Variants in CEP128 observed in about 807,000 individuals in gnomAD.
The protein encoded by CEP128 is centrosomal protein 128.
Under a neutral mutation model 156.7 loss-of-function variants are expected in CEP128, and 132 were observed. The observed-to-expected ratio is 0.84, with a 90% CI of 0.73 to 0.97. The LOEUF is 0.97. Among genes scored for constraint, CEP128 ranks in the 50% least tolerant of loss-of-function variants. The pLI, the probability that CEP128 is intolerant of heterozygous loss-of-function variation, is 0.00. For synonymous variants in CEP128, 469 were observed against 448.9 expected (o/e 1.04, Z -0.57); for missense variants, 1,252 against 1,281.9 (o/e 0.98, Z 0.36).
intron 2 of CEP128, chr14:80,955,950 G>A: frequency 2.2e-6 from 3 of 1,369,446 alleles, no homozygotes; most frequent in South Asian, 2.4e-5. Flanking sequence ...GCCCGAAGTA[G>A]TGTGTGAGTG....
intron 13 of CEP128, among the ~76,000 whole-genome samples, chr14:80,812,511 A>G (rs1884615219): frequency 6.6e-6 from 1 of 152,166 alleles, no homozygotes; most frequent in Non-Finnish European, 1.5e-5. Flanking sequence ...ACTAATCTAC[A>G]CTGCAATCAG....
At chr14:80,941,837 G>A (rs1037016003), upstream of CEP128, 1 of 152,666 alleles carries the variant, frequency 6.6e-6, no homozygotes, top group Non-Finnish European at 1.5e-5. Context: ...GAATTACCAA[G>A]GGAGAGAGTC....
At chr14:80,806,222 G>A (rs922911298) in intron 13 of CEP128, among the ~76,000 whole-genome samples, 2 of 152,136 alleles carry the variant, frequency 1.3e-5, no homozygotes, top group African/African-American at 2.4e-5. Flanking sequence ...CAAATCCTAC[G>A]AGAGGCTTCA....
intron 6 of CEP128, among the ~76,000 whole-genome samples, chr14:80,900,557 T>C (rs1440388416): frequency 1.3e-5 from 2 of 152,210 alleles, no homozygotes; most frequent in Admixed American, 1.3e-4. Context: ...CTCTTCCTCA[T>C]GTACACTTGG....
intron 13 of CEP128, among the ~76,000 whole-genome samples, chr14:80,794,088 G>A (rs1419201841): frequency 2.6e-5 from 4 of 152,214 alleles, no homozygotes; most frequent in Middle Eastern, 3.4e-3. Flanking sequence ...AACATAAAAA[G>A]GTCATGTGTC....
chr14:80,876,156 G>A (rs546442304), intron 8 of CEP128, among the ~76,000 whole-genome samples: 2 of 151,716 alleles, frequency 1.3e-5, no homozygotes, highest in Admixed American at 6.6e-5. Context: ...AAGAGGTAAT[G>A]GTACTATAAG....
At chr14:80,891,062 C>G (rs1338312513) in intron 8 of CEP128, among the ~76,000 whole-genome samples, 1 of 151,860 alleles carries the variant, frequency 6.6e-6, no homozygotes, top group African/African-American at 2.4e-5. Flanking sequence ...CAAATGTTGG[C>G]AAGGGTGTGG....
chr14:80,671,000 T>TTTTC (rs1275556021), intron 19 of CEP128, among the ~76,000 whole-genome samples: 1 of 151,302 alleles, frequency 6.6e-6, no homozygotes, highest in Non-Finnish European at 1.5e-5. Context: ...ATTCACTTGT[T>TTTTC]TTTCTTTCTT....
At chr14:80,499,595 G>T (rs1887644715) in intron 24 of CEP128, among the ~76,000 whole-genome samples, 1 of 152,060 alleles carries the variant, frequency 6.6e-6, no homozygotes, top group Non-Finnish European at 1.5e-5. Flanking sequence ...AGATTTACAG[G>T]AAATTTACAA....
At chr14:80,478,996 T>C (rs1273212124) in intron 14 of CEP128, among the ~76,000 whole-genome samples, 2 of 152,172 alleles carry the variant, frequency 1.3e-5, no homozygotes, top group African/African-American at 4.8e-5. Flanking sequence ...GCCTAGATAG[T>C]AAGAAACATT....
downstream of CEP128, among the ~76,000 whole-genome samples, chr14:80,496,187 C>A (rs1278317030): frequency 6.6e-6 from 1 of 152,088 alleles, no homozygotes. Context: ...TTTTTTCCTC[C>A]TAGCACAATG....
At position 80,739,956 on chromosome 14, in the gene CEP128, T is replaced by C. The variant is rs1898725860; in HGVS notation, c.2806+3119A>G. 2.0e-5 allele frequency among the ~76,000 whole-genome samples: 3 copies of C among 152,198 alleles called. No individual in the cohort carries two copies. In the South Asian group the frequency reaches 6.2e-4, roughly 31 times the overall value. On this transcript the variant is annotated intron_variant, in intron 19 of 24. Transcript: ENST00000555265. ...CTGCCAAATATTTGCTGATTTTTAT[T>C]TTGGTTATTCAGAGTTTAATAAGTA...
chr14:80,640,901 A>G (rs1048430584), intron 19 of CEP128, among the ~76,000 whole-genome samples: 1 of 152,246 alleles, frequency 6.6e-6, no homozygotes, highest in African/African-American at 2.4e-5. Flanking sequence ...CAGAGATTGA[A>G]GAGCATGAGT....
intron 13 of CEP128, among the ~76,000 whole-genome samples, chr14:80,817,747 G>A (rs1934333108): frequency 6.6e-6 from 1 of 152,056 alleles, no homozygotes; most frequent in Non-Finnish European, 1.5e-5. Context: ...CAGGTGTGGT[G>A]GCACGCGCCT....
intron 21 of CEP128, among the ~76,000 whole-genome samples, chr14:80,539,466 A>G (rs1461996053): frequency 6.6e-6 from 1 of 152,182 alleles, no homozygotes; most frequent in African/African-American, 2.4e-5. Context: ...TTCCCAAATA[A>G]TACTCTTATA....
intron 19 of CEP128, among the ~76,000 whole-genome samples, chr14:80,598,051 A>G (rs548856213): frequency 1.3e-5 from 2 of 151,962 alleles, no homozygotes; most frequent in East Asian, 3.9e-4. Flanking sequence ...AGACAAGAAT[A>G]CCTACTCTCA....
chr14:80,633,023 G>A (rs879399141), intron 19 of CEP128, among the ~76,000 whole-genome samples: 4 of 151,928 alleles, frequency 2.6e-5, no homozygotes, highest in Non-Finnish European at 5.9e-5. Flanking sequence ...GCCCAGGAGT[G>A]CAAGAGCAGC....
intron 19 of CEP128, among the ~76,000 whole-genome samples, chr14:80,641,199 G>A (rs371063073): frequency 6.8e-4 from 104 of 152,210 alleles, no homozygotes; most frequent in African/African-American, 2.5e-3. Flanking sequence ...CATATCTCCA[G>A]CATTTACCCC....
intron 8 of CEP128, among the ~76,000 whole-genome samples, chr14:80,869,550 T>G (rs1357697313): frequency 6.6e-6 from 1 of 151,696 alleles, no homozygotes; most frequent in Non-Finnish European, 1.5e-5. Context: ...AAAAACAAAA[T>G]TAAACTAAAC....
Sources: allele counts gnomAD v4.1 joint callset (sites outside exome capture counted in the v4.1 genomes callset), GRCh38; gene constraint gnomAD v4.1.1; transcripts MANE v1.5; gene names NCBI Gene and HGNC (gene_info 2026-07-23, HGNC 2026-07-21).